The following NTM variants were observed in gnomAD, a reference collection of about 807,000 sequenced individuals.
NTM encodes the protein IgLON family member 2.
A neutral mutation model predicts 42.1 loss-of-function variants in NTM; 13 were observed. The ratio of observed to expected loss-of-function variants is 0.31; its 90% CI spans 0.20 to 0.49. The LOEUF is 0.49. NTM is among the 20% of genes least tolerant of loss of function. NTM has a pLI of 0.99. For missense variants in NTM, 373 were observed against 452.8 expected (o/e 0.82, Z 1.60); for synonymous variants, 187 against 179.2 (o/e 1.04, Z -0.35).
intron 1 of NTM, among the ~76,000 whole-genome samples, chr11:131,566,310 A>G (rs2056876259): frequency 6.6e-6 from 1 of 152,184 alleles, no homozygotes; most frequent in Non-Finnish European, 1.5e-5. Context: ...TCCCTTGCAG[A>G]ATGTACAAAT....
chr11:131,596,153 C>T (rs554034976), intron 1 of NTM, among the ~76,000 whole-genome samples: 6 of 152,172 alleles, frequency 3.9e-5, no homozygotes, highest in Admixed American at 6.5e-5. Context: ...TATTAAACTC[C>T]GAGGTGCTGT....
chr11:131,743,726 T>C (rs2081460053), intron 1 of NTM, among the ~76,000 whole-genome samples: 1 of 152,050 alleles, frequency 6.6e-6, no homozygotes, highest in African/African-American at 2.4e-5. Flanking sequence ...GAATAGGAGG[T>C]CGTGTGAAAC....
chr11:132,152,032 CATT>C (rs1264595748), intron 3 of NTM, among the ~76,000 whole-genome samples: 4 of 152,192 alleles, frequency 2.6e-5, no homozygotes, highest in African/African-American at 9.7e-5. Context: ...AGCAAAAGCT[CATT>C]ATTATGATTC....
In NTM at chr11:132,070,380, A is replaced by G. The variant is rs537806588; in HGVS notation, c.168-75902A>G. 4.2e-5 allele frequency among the ~76,000 whole-genome samples: 6 copies of G among 144,104 alleles called. 1 individual carries two copies. 94.5% of individuals were successfully genotyped at this position (144,104 alleles called of 152,430 possible). On this transcript the variant is annotated intron_variant, in intron 2 of 8. Transcript: ENST00000683400. ...CAAACTGACCATCACAGGTTAGTTA[A>G]CACGTCACACAGCCAAGTAAGTTAA...
chr11:131,508,411 A>T (rs201861139), intron 1 of NTM, among the ~76,000 whole-genome samples: 213 of 145,088 alleles, frequency 1.5e-3, no homozygotes, highest in Middle Eastern at 7.0e-3. Flanking sequence ...ATGTGGAGAA[A>T]TAGGAACACT....
intron 1 of NTM, among the ~76,000 whole-genome samples, chr11:131,807,876 G>A (rs2092577414): frequency 6.6e-6 from 1 of 152,184 alleles, no homozygotes; most frequent in African/African-American, 2.4e-5. Context: ...GATAGTTTGT[G>A]TTGATATGGG....
chr11:131,900,858 G>A (rs962037077), intron 1 of NTM, among the ~76,000 whole-genome samples: 10 of 152,218 alleles, frequency 6.6e-5, no homozygotes, highest in South Asian at 2.1e-4. Flanking sequence ...TTTCTTTCTC[G>A]TTCCTATTTT....
At chr11:131,432,193 T>C (rs1053179968) in intron 1 of NTM, among the ~76,000 whole-genome samples, 1 of 152,066 alleles carries the variant, frequency 6.6e-6, no homozygotes, top group Non-Finnish European at 1.5e-5. Context: ...ATTGTTGACA[T>C]GGGAAGATGG....
intron 1 of NTM, among the ~76,000 whole-genome samples, chr11:131,479,085 T>C (rs556967158): frequency 1.2e-4 from 18 of 152,318 alleles, no homozygotes; most frequent in East Asian, 3.9e-4. Flanking sequence ...CCATGATGAC[T>C]CAATTATCCA....
chr11:131,524,421 G>A (rs771597694), intron 1 of NTM, among the ~76,000 whole-genome samples: 1 of 152,198 alleles, frequency 6.6e-6, no homozygotes, highest in African/African-American at 2.4e-5. Context: ...ACCAAGCCCA[G>A]CCCAGACTCA....
chr11:132,179,411 G>A (rs1490958518), intron 3 of NTM, among the ~76,000 whole-genome samples: 1 of 152,092 alleles, frequency 6.6e-6, no homozygotes, highest in African/African-American at 2.4e-5. Flanking sequence ...GTAGGCAAAG[G>A]CTCTGGTGTA....
intron 1 of NTM, among the ~76,000 whole-genome samples, chr11:131,824,654 A>G (rs948299779): frequency 6.6e-6 from 1 of 152,206 alleles, no homozygotes; most frequent in African/African-American, 2.4e-5. Flanking sequence ...GACAGACATT[A>G]CACTGGTCAA....
chr11:131,897,225 A>C (rs1645864598), intron 1 of NTM: 1 of 152,190 alleles, frequency 6.6e-6, no homozygotes, highest in Non-Finnish European at 1.5e-5. Flanking sequence ...ATGCAGAGGC[A>C]GGGTTGGAAG....
At chr11:131,682,615 C>G (rs193264081) in intron 1 of NTM, among the ~76,000 whole-genome samples, 2 of 152,328 alleles carry the variant, frequency 1.3e-5, no homozygotes, top group African/African-American at 4.8e-5. Context: ...CAGCATGAGC[C>G]CGGTTCTCAC....
intron 1 of NTM, among the ~76,000 whole-genome samples, chr11:131,549,722 T>C (rs2054406470): frequency 6.6e-6 from 1 of 152,194 alleles, no homozygotes; most frequent in African/African-American, 2.4e-5. Flanking sequence ...GATAGATTCA[T>C]TGTATTGGAG....
chr11:131,638,730 G>A (rs905424474), intron 1 of NTM, among the ~76,000 whole-genome samples: 1 of 151,908 alleles, frequency 6.6e-6, no homozygotes, highest in African/African-American at 2.4e-5. Flanking sequence ...TGAAAACCTA[G>A]ATTTTAGTCC....
At chr11:132,148,833 A>T (rs1289578462) in intron 3 of NTM, among the ~76,000 whole-genome samples, 3 of 152,100 alleles carry the variant, frequency 2.0e-5, no homozygotes, top group Non-Finnish European at 2.9e-5. Flanking sequence ...GGGTGAGAGG[A>T]TGGAGTCTAC....
chr11:132,152,221 C>T (rs1002316768), intron 3 of NTM, among the ~76,000 whole-genome samples: 1 of 152,372 alleles, frequency 6.6e-6, no homozygotes, highest in Admixed American at 6.5e-5. Flanking sequence ...ACCCAGAAAG[C>T]ACCATGCCCT....
intron 7 of NTM, among the ~76,000 whole-genome samples, chr11:132,325,089 C>T (rs1046942475): frequency 2.0e-5 from 3 of 152,000 alleles, no homozygotes; most frequent in Non-Finnish European, 4.4e-5. Context: ...CTAGGCATTA[C>T]CATTCAGGAC....
Sources: gnomAD v4.1 joint callset for allele counts (sites outside exome capture counted in the v4.1 genomes callset) on GRCh38, gnomAD v4.1.1 for gene constraint, MANE v1.5 for transcripts, NCBI Gene and HGNC (gene_info 2026-07-23, HGNC 2026-07-21) for gene names.